The following NBPF20 variants were observed in gnomAD, a reference collection of about 807,000 sequenced individuals.
NBPF20 encodes NBPF member 20.
In NBPF20, 90 loss-of-function variants were observed where a neutral mutation model predicts 68.1. That is an observed-to-expected ratio of 1.32 (90% CI 1.11 to 1.58). NBPF20 has a LOEUF of 1.58. Ranked by LOEUF, NBPF20 falls within the 40% of genes most tolerant of loss-of-function variation. The probability of loss-of-function intolerance (pLI) is 0.00; values close to 1 mark genes in which losing one functional copy is unlikely to be tolerated. For synonymous variants in NBPF20, 290 were observed against 228.1 expected (o/e 1.27, Z -2.45); for missense variants, 816 against 601.2 (o/e 1.36, Z -3.74).
In NBPF20 at chr1:145,290,310, T is replaced by A. The variant is rs1348329883; in HGVS notation, c.*1216A>T. ...GTAAGGTGTCTCTAAAAGGGACAGA[T>A]CTCCTAGACCCCTCCTTAACCAAGT... On this transcript the variant is annotated 3_prime_UTR_variant, in exon 138 of 138. Transcript: ENST00000369373. 7 of 149,130 alleles carry A rather than the reference T, an allele frequency of 4.7e-5. No individual in the cohort carries two copies. The South Asian group carries it at 1.3e-3, about 27-fold the overall frequency. 9.2% of individuals were successfully genotyped at this position (149,130 alleles called of 1,614,324 possible).
the NBPF20 span, among the ~76,000 whole-genome samples, chr1:145,419,491 A>C: frequency 3.9e-5 from 6 of 152,124 alleles, no homozygotes; most frequent in Admixed American, 1.3e-4. Context: ...TGCCCAAAAG[A>C]ATGAGATGAG....
intron 29 of NBPF20, 128 bp downstream of exon 34, chr1:145,377,915 C>G: frequency 2.8e-6 from 1 of 363,242 alleles, no homozygotes; most frequent in Non-Finnish European, 4.9e-6. Context: ...TGAAAACCAA[C>G]AGCAATGTCA....
chr1:145,407,512 T>C (rs587744631), upstream of NBPF20, among the ~76,000 whole-genome samples: 1 of 146,526 alleles, frequency 6.8e-6, no homozygotes, highest in East Asian at 2.0e-4. Context: ...TATATATACG[T>C]GTATATACAT....
At chr1:145,407,392 G>T (rs1278172877), upstream of NBPF20, among the ~76,000 whole-genome samples, 5 of 143,912 alleles carry the variant, frequency 3.5e-5, no homozygotes, top group African/African-American at 1.0e-4. Context: ...ATATATACAC[G>T]TGTATATATA....
exon 138 of NBPF20, chr1:145,289,960 A>AAAT (rs1660953577): frequency 7.2e-6 from 1 of 139,188 alleles, no homozygotes; most frequent in Admixed American, 7.1e-5. Context: ...CAGCATAATC[A>AAAT]AATATTATAA....
At position 145,291,723 on chromosome 1, in the gene NBPF20, C is replaced by A. The variant is rs782446247; in HGVS notation, c.16744G>T (p.Asp5582Tyr). The change falls in exon 138 of 138, where the codon GAC becomes TAC. Residue 5582 changes from aspartate (D) to tyrosine (Y), a missense_variant. Physicochemically the swap from Asp to Tyr is radical, Grantham distance 160. Coordinates refer to ENST00000369373, the Ensembl canonical transcript of NBPF20. ...GTAGAATAACATCCATCCAGTGAGTCCTGTAAGACTTCAGGCTCTTCCACT... is the reference window on the plus strand; with the variant it reads ...GTAGAATAACATCCATCCAGTGAGTACTGTAAGACTTCAGGCTCTTCCACT... 6.8e-6 allele frequency: 11 copies of A among 1,611,800 alleles called. No individual in the cohort carries two copies. In the South Asian group the frequency reaches 1.1e-4, roughly 16 times the overall value.
chr1:145,395,031 C>G, exon 8 of NBPF20: 2 of 1,611,604 alleles, frequency 1.2e-6, no homozygotes, highest in Non-Finnish European at 1.7e-6. Context: ...GTGAAATGTG[C>G]TGCTGTAAGA....
At chr1:145,410,818 A>ACG in the NBPF20 span, among the ~76,000 whole-genome samples, 1,447 of 9,036 alleles carry the variant, frequency 0.16, 39 homozygotes, top group African/African-American at 0.29. Flanking sequence ...ATATATACGT[A>ACG]TATATATATA....
chr1:145,400,604 C>A lies in NBPF20; in HGVS notation c.567-10G>T, dbSNP rs1395205813. On this transcript the variant is annotated splice_polypyrimidine_tract_variant and intron_variant, in intron 5 of 137. Transcript: ENST00000369373. The stretch of plus-strand genomic sequence containing the variant: ...AGCCTTCTGCATCTCCCTGATGAGC[C>A]AGGTGGGACAGAGATGACAGAAGAT... 5.6e-6 allele frequency: 9 copies of A among 1,610,488 alleles called. No homozygotes were observed. The highest frequency in any genetic ancestry group is 7.6e-6 in the Non-Finnish European group (9 of 1,178,600).
exon 138 of NBPF20, chr1:145,291,655 G>A (rs587668407): frequency 5.0e-6 from 8 of 1,611,846 alleles, no homozygotes; most frequent in African/African-American, 1.3e-5. Flanking sequence ...ACACACTTCT[G>A]TAGTGCTGGA....
Position 145,393,590 on chromosome 1 carries a change from A to G in NBPF20, c.1043+294T>C, listed in dbSNP as rs1417905586. ...GGACACACTGTGAACAGTGATCATG[A>G]AAAGCATGTCCTCAATAATTTTGCA... On this transcript the variant is annotated intron_variant, in intron 9 of 137. Coordinates refer to ENST00000369373, the Ensembl canonical transcript of NBPF20. The G allele has an allele frequency of 2.8e-5, 18 of 652,996 alleles. No individual in the cohort carries two copies. In the East Asian group the frequency reaches 4.3e-4, roughly 16 times the overall value. The allele number at this position is 652,996 out of a possible 1,614,324, so 40.5% of individuals were successfully genotyped here. A position where few individuals can be genotyped will look rare whatever the true frequency, so the allele number is the denominator to read the frequency against.
At chr1:145,417,558 T>C in the NBPF20 span, among the ~76,000 whole-genome samples, 1 of 113,638 alleles carries the variant, frequency 8.8e-6, no homozygotes, top group Non-Finnish European at 1.8e-5. Context: ...ATTTACAAAA[T>C]AATCTGATGG....
Position 145,392,918 on chromosome 1 carries a change from C to G in NBPF20, c.1216+156G>C, listed in dbSNP as rs1410964374. On this transcript the variant is annotated intron_variant, in intron 10 of 137. Coordinates refer to ENST00000369373, the Ensembl canonical transcript of NBPF20. The stretch of plus-strand genomic sequence containing the variant: ...CTGACCCATCCCTTGTCTGGGCTTC[C>G]AAGTGGAACTAGAGTTTCATTCAAC... 3.6e-5 allele frequency among the ~76,000 whole-genome samples: 3 copies of G among 83,204 alleles called. 1 individual carries two copies. Among genetic ancestry groups the G allele is most frequent in the Non-Finnish European group, 6.3e-5 (3 of 47,754 alleles). The allele number at this position is 83,204 out of a possible 152,430, so 54.6% of individuals were successfully genotyped here. A position where few individuals can be genotyped will look rare whatever the true frequency, so the allele number is the denominator to read the frequency against.
rs1350328243 is a variant in NBPF20 at position 145,392,876 on chromosome 1, G to A, written c.1216+198C>T. Among the ~76,000 whole-genome samples the A allele has an allele frequency of 3.1e-5, 3 of 95,444 alleles. 1 individual carries two copies. The highest frequency in any genetic ancestry group is 5.6e-5 in the Non-Finnish European group (3 of 53,354). The allele number at this position is 95,444 out of a possible 152,430, so 62.6% of individuals were successfully genotyped here. ...CACCACAGGCATGGCCTGAGACTAG[G>A]AAGAGAGCCTTGCTCACTGACCCAT... On this transcript the variant is annotated intron_variant, in intron 10 of 137. Coordinates refer to ENST00000369373, the Ensembl canonical transcript of NBPF20.
upstream of NBPF20, among the ~76,000 whole-genome samples, chr1:145,409,401 C>T (rs587649693): frequency 2.7e-5 from 4 of 149,220 alleles, no homozygotes; most frequent in Admixed American, 6.7e-5. Flanking sequence ...GTTTCAGTAC[C>T]GACTGAGTGG....
intron 7 of NBPF20, among the ~76,000 whole-genome samples, chr1:145,397,652 G>T (rs1388418440): frequency 6.6e-6 from 1 of 152,186 alleles, no homozygotes; most frequent in Non-Finnish European, 1.5e-5. Context: ...AAAGACCATT[G>T]ACGCTAGGAA....
rs1350506517 is a variant in NBPF20, at chr1:145,295,132, G to T, written c.16191-178C>A. 45 of 634,286 alleles carry T rather than the reference G, an allele frequency of 7.1e-5. 2 individuals carry two copies. The African/African-American group carries it at 9.0e-4, about 13-fold the overall frequency. 39.3% of individuals were successfully genotyped at this position (634,286 alleles called of 1,614,324 possible). A position where few individuals can be genotyped will look rare whatever the true frequency, so the allele number is the denominator to read the frequency against. On this transcript the variant is annotated intron_variant, in intron 133 of 137. Coordinates refer to ENST00000369373, the Ensembl canonical transcript of NBPF20. The stretch of plus-strand genomic sequence containing the variant: ...AGACCAGGGCCAGGTAGAAAAGAAT[G>T]AAAGAGAAAGACAGGGAGAGGGAGG...
At chr1:145,403,992 T>C in intron 2 of NBPF20, among the ~76,000 whole-genome samples, 1 of 126,328 alleles carries the variant, frequency 7.9e-6, no homozygotes, top group Admixed American at 8.6e-5. Flanking sequence ...GCTCATGTAA[T>C]TCACTGCAGC....
intron 136 of NBPF20, 93 bp from the exon 142 acceptor site, chr1:145,292,582 C>G (rs587706589): frequency 4.0e-6 from 3 of 743,820 alleles, no homozygotes; most frequent in South Asian, 1.4e-5. Flanking sequence ...GGACCTCAGG[C>G]TCCCCAGCAT....
Sources: allele counts gnomAD v4.1 joint callset (sites outside exome capture counted in the v4.1 genomes callset), GRCh38; gene constraint gnomAD v4.1.1; transcripts MANE v1.5; gene names NCBI Gene and HGNC (gene_info 2026-07-23, HGNC 2026-07-21).